TNFRSF1B: variants seen among roughly 807,000 people sequenced by gnomAD.
TNFRSF1B encodes TNF receptor superfamily member 1B.
In TNFRSF1B, 19 loss-of-function variants were observed where a neutral mutation model predicts 44.6. That is an observed-to-expected ratio of 0.43 (90% CI 0.30 to 0.62). TNFRSF1B has a LOEUF of 0.62. Ranked by LOEUF, TNFRSF1B falls within the 20% of genes least tolerant of loss-of-function variation. The pLI, the probability that TNFRSF1B is intolerant of heterozygous loss-of-function variation, is 0.16. For missense variants in TNFRSF1B, 541 were observed against 619.9 expected (o/e 0.87, Z 1.35); for synonymous variants, 252 against 261.1 (o/e 0.97, Z 0.34).
At chr1:12,188,201 A>G (rs1034156384) in intron 1 of TNFRSF1B, among the ~76,000 whole-genome samples, 2 of 152,170 alleles carry the variant, frequency 1.3e-5, no homozygotes, top group Non-Finnish European at 2.9e-5. Flanking sequence ...GTGTGTACAC[A>G]TGTGTGTGCA....
At chr1:12,175,096 C>A (rs573592196) in intron 1 of TNFRSF1B, among the ~76,000 whole-genome samples, 1 of 152,084 alleles carries the variant, frequency 6.6e-6, no homozygotes, top group East Asian at 1.9e-4. Flanking sequence ...TGGAGGCAGG[C>A]GGGCTGTGGA....
At chr1:12,182,318 C>A (rs1401366985) in intron 1 of TNFRSF1B, among the ~76,000 whole-genome samples, 2 of 152,140 alleles carry the variant, frequency 1.3e-5, no homozygotes, top group African/African-American at 4.8e-5. Context: ...CCTCACCCAC[C>A]CGCTCTGGGC....
intron 8 of TNFRSF1B, among the ~76,000 whole-genome samples, chr1:12,196,130 A>G (rs1477076959): frequency 2.6e-5 from 4 of 152,086 alleles, no homozygotes; most frequent in Non-Finnish European, 5.9e-5. Flanking sequence ...GTAAAACCCC[A>G]TCTCTACTAA....
At chr1:12,185,777 G>A (rs1336224191) in intron 1 of TNFRSF1B, among the ~76,000 whole-genome samples, 3 of 152,234 alleles carry the variant, frequency 2.0e-5, no homozygotes, top group Non-Finnish European at 4.4e-5. Flanking sequence ...CCAGCCCGTG[G>A]TTGAGACTAG....
chr1:12,208,573 C>A lies in TNFRSF1B; in HGVS notation c.*1553C>A, dbSNP rs1061642. On this transcript the variant is annotated 3_prime_UTR_variant, in exon 10 of 10. Transcript: ENST00000376259. The stretch of plus-strand genomic sequence containing the variant: ...CCCTGCAGAGGGGAAACCAGTGTAG[C>A]CTTGCCCGGATTCTGGGAGGAAGCA... 1,111 of 152,476 alleles carry A rather than the reference C, an allele frequency of 7.3e-3. 5 individuals are homozygous for A. Among genetic ancestry groups the A allele is most frequent in the Non-Finnish European group, 0.011 (744 of 68,118 alleles). 9.4% of individuals were successfully genotyped at this position (152,476 alleles called of 1,614,324 possible). A position where few individuals can be genotyped will look rare whatever the true frequency, so the allele number is the denominator to read the frequency against.
intron 4 of TNFRSF1B, 72 bp from the exon 5 acceptor site, chr1:12,192,359 G>A (rs1007405508): frequency 2.8e-6 from 4 of 1,442,214 alleles, no homozygotes; most frequent in Non-Finnish European, 3.9e-6. Flanking sequence ...CCTCTCCTAG[G>A]GCTCTAGTGC....
rs1261194720 is a variant in TNFRSF1B, at chr1:12,191,807, A to G, written c.341A>G (p.Gln114Arg). The G allele has an allele frequency of 6.2e-6, 10 of 1,613,574 alleles. No homozygotes were observed. Among genetic ancestry groups the G allele is most frequent in the Non-Finnish European group, 6.8e-6 (8 of 1,179,810 alleles). The change falls in exon 4 of 10, where the codon CAG becomes CGG. Residue 114 changes from glutamine (Q) to arginine (R), a missense_variant. Coordinates refer to ENST00000376259, the MANE Select transcript of TNFRSF1B (RefSeq NM_001066.3). Reference sequence around the variant, plus strand: ...GAAACTCAAGCCTGCACTCGGGAACAGAACCGCATCTGCACCTGCAGGCCC... The same window carrying G: ...GAAACTCAAGCCTGCACTCGGGAACGGAACCGCATCTGCACCTGCAGGCCC... ...QVETQACTRE[Q>R]NRICTCRPGW...
At chr1:12,191,645 G>C in intron 3 of TNFRSF1B, 129 bp from the exon 4 acceptor site, 1 of 1,141,812 alleles carries the variant, frequency 8.8e-7, no homozygotes, top group South Asian at 1.4e-5. Context: ...GGTGTTGTGT[G>C]TGCCCCATGC....
intron 7 of TNFRSF1B, among the ~76,000 whole-genome samples, 196 bp downstream of exon 7, chr1:12,194,228 G>A (rs1639215810): frequency 6.6e-6 from 1 of 152,120 alleles, no homozygotes; most frequent in East Asian, 1.9e-4. Flanking sequence ...AGGTGATCAG[G>A]GTTTTCTAAA....
At position 12,170,084 on chromosome 1, in the gene TNFRSF1B, G is replaced by C. The variant is rs1267617608; in HGVS notation, c.78+2915G>C. ...TTGCCCTCTGTCTGAAATCCCAGTG[G>C]GGACCCTGTGTGTTGACTGAGGGTG... On this transcript the variant is annotated intron_variant, in intron 1 of 9. Transcript: ENST00000376259. Among the ~76,000 whole-genome samples, 3 of 152,186 alleles carry C rather than the reference G, an allele frequency of 2.0e-5. No homozygotes were observed. In the East Asian group the frequency reaches 5.8e-4, roughly 29 times the overall value.
chr1:12,199,413 C>CT lies in TNFRSF1B; in HGVS notation c.901-2553dup, dbSNP rs1639340385. ...TGTGGGGGTTCCTGGGGAAGCTGGT[C>CT]TAGGCTTCTGCTCCTGCCACGGACC... On this transcript the variant is annotated intron_variant, in intron 8 of 9. Transcript: ENST00000376259. This position sits in a 1 kb window ranked among gnomAD's most constrained non-coding sequence, Gnocchi z 4.0. Among the ~76,000 whole-genome samples, 1 of 152,208 alleles carries CT rather than the reference C, an allele frequency of 6.6e-6. No individual in the cohort carries two copies. Among genetic ancestry groups the CT allele is most frequent in the Non-Finnish European group, 1.5e-5 (1 of 68,032 alleles).
At chr1:12,206,380 CAG>C (rs903172283) in intron 9 of TNFRSF1B, among the ~76,000 whole-genome samples, 2 of 148,376 alleles carry the variant, frequency 1.3e-5, no homozygotes, top group Non-Finnish European at 3.0e-5. Flanking sequence ...AAAAAAAAGA[CAG>C]AAGAGACAGG....
At chr1:12,176,937 C>T (rs1386951428) in intron 1 of TNFRSF1B, among the ~76,000 whole-genome samples, 3 of 151,998 alleles carry the variant, frequency 2.0e-5, no homozygotes, top group Admixed American at 6.5e-5. Context: ...CTGCTTTTTG[C>T]AACATGCGGC....
Position 12,188,816 on chromosome 1 carries a change from C to T in TNFRSF1B, c.99C>T (p.Ala33=). Residue 33 remains alanine, a synonymous_variant, in exon 2 of 10, where the codon GCC becomes GCT. Coordinates refer to ENST00000376259, the MANE Select transcript of TNFRSF1B (RefSeq NM_001066.3). ...TCCAGGTGGCATTTACACCCTACGC[C>T]CCGGAGCCCGGGAGCACATGCCGGC... ...LPAQVAFTPY[A]PEPGSTCRLR... is the part of the protein sequence containing the mutation. The T allele has an allele frequency of 6.2e-7, 1 of 1,613,890 alleles. No individual in the cohort carries two copies. The highest frequency in any genetic ancestry group is 8.5e-7 in the Non-Finnish European group (1 of 1,179,880).
intron 6 of TNFRSF1B, 111 bp from the exon 7 acceptor site, chr1:12,193,843 GC>G: frequency 2.6e-6 from 2 of 759,714 alleles, no homozygotes; most frequent in South Asian, 3.0e-5. Flanking sequence ...GCCTAGACTC[GC>G]CCCTCATTTG....
Position 12,202,100 on chromosome 1 carries a change from G to A in TNFRSF1B, c.1034G>A (p.Arg345Gln), listed in dbSNP as rs377693214. The A allele has an allele frequency of 8.7e-5, 138 of 1,577,460 alleles. 1 individual carries two copies. Among genetic ancestry groups the A allele is most frequent in the South Asian group, 3.4e-4 (29 of 86,422 alleles). The change falls in exon 9 of 10, where the codon CGG (arginine) becomes CAG (glutamine). Residue 345 changes from arginine to glutamine, a missense_variant. Physicochemically the swap from Arg to Gln is conservative, Grantham distance 43. Transcript: ENST00000376259. Reference protein sequence around the residue: ...ASALDRRAPTRNQPQAPGVEA... With the variant: ...ASALDRRAPTQNQPQAPGVEA... ...GCGTTGGACAGAAGGGCGCCCACTCGGAACCAGCCACAGGCACCAGGCGTG... is the reference window on the plus strand; with the variant it reads ...GCGTTGGACAGAAGGGCGCCCACTCAGAACCAGCCACAGGCACCAGGCGTG...
At chr1:12,176,432 A>G (rs1271526466) in intron 1 of TNFRSF1B, among the ~76,000 whole-genome samples, 1 of 152,162 alleles carries the variant, frequency 6.6e-6, no homozygotes, top group Non-Finnish European at 1.5e-5. Context: ...AATACTTTAC[A>G]TGTGTTATTT....
In TNFRSF1B at chr1:12,201,982, G is replaced by A. The variant is rs780440633; in HGVS notation, c.916G>A (p.Asp306Asn). 5 of 1,610,642 alleles carry A rather than the reference G, an allele frequency of 3.1e-6. No individual in the cohort carries two copies. Among genetic ancestry groups the A allele is most frequent in the Admixed American group, 1.7e-5 (1 of 59,886 alleles). ...GCCCATCCAGCCTCACTTGCCTGCC[G>A]ATAAGGCCCGGGGTACACAGGGCCC... ...REAKVPHLPADKARGTQGPEQ... is the reference protein window; with the variant it reads ...REAKVPHLPANKARGTQGPEQ... Residue 306 changes from aspartate (D) to asparagine (N), a missense_variant, in exon 9 of 10, where the codon GAT becomes AAT. Coordinates refer to ENST00000376259, the MANE Select transcript of TNFRSF1B (RefSeq NM_001066.3).
At chr1:12,174,266 C>T (rs547549144) in intron 1 of TNFRSF1B, among the ~76,000 whole-genome samples, 1,438 of 142,516 alleles carry the variant, frequency 0.01, 38 homozygotes, top group African/African-American at 0.032. Context: ...CCTTCTTCTT[C>T]TGATGGAGTC....
Sources: allele counts gnomAD v4.1 joint callset (sites outside exome capture counted in the v4.1 genomes callset), GRCh38; gene constraint gnomAD v4.1.1; non-coding constraint Gnocchi (gnomAD v3.1); transcripts MANE v1.5; gene names NCBI Gene and HGNC (gene_info 2026-07-23, HGNC 2026-07-21).